Variants in SCAP observed in about 807,000 individuals in gnomAD.
SCAP encodes sterol regulatory element-binding protein cleavage-activating protein.
Under a neutral mutation model 123.6 loss-of-function variants are expected in SCAP, and 65 were observed. The ratio of observed to expected loss-of-function variants is 0.53; its 90% CI spans 0.43 to 0.65. The LOEUF (loss-of-function observed/expected upper bound fraction) is 0.65. Among genes scored for constraint, SCAP ranks in the 30% least tolerant of loss-of-function variants. The pLI, the probability that SCAP is intolerant of heterozygous loss-of-function variation, is 0.00. For synonymous variants in SCAP, 740 were observed against 726.3 expected, an observed-to-expected ratio of 1.02 and a Z score of -0.30; for missense variants, 1,398 against 1,712.5, an observed-to-expected ratio of 0.82 and a Z score of 3.24.
chr3:47,473,368 C>T (rs1403492702), intron 1 of SCAP, among the ~76,000 whole-genome samples: 1 of 152,130 alleles, frequency 6.6e-6, no homozygotes, highest in Non-Finnish European at 1.5e-5. Flanking sequence ...AATTATTACT[C>T]TGAGTGGCAA....
At position 47,420,279 on chromosome 3, in the gene SCAP, C is replaced by T. The variant is rs1346228533; in HGVS notation, c.1563+275G>A. 1.3e-5 allele frequency among the ~76,000 whole-genome samples: 2 copies of T among 152,216 alleles called. No homozygotes were observed. The highest frequency in any genetic ancestry group is 6.5e-5 in the Admixed American group (1 of 15,284). ...ACAAGTGGGTCCATCCCAGAGCACT[C>T]AACTAACAGGCTCCTGTCCTGGGCC... On this transcript the variant is annotated intron_variant, in intron 12 of 22. Coordinates refer to ENST00000265565, the MANE Select transcript of SCAP (RefSeq NM_012235.4). The surrounding 1 kb of genome is among the most constrained non-coding windows in gnomAD (Gnocchi z 5.0).
intron 18 of SCAP, among the ~76,000 whole-genome samples, chr3:47,415,528 A>AG (rs1365859575): frequency 1.3e-5 from 2 of 152,012 alleles, no homozygotes; most frequent in African/African-American, 4.8e-5. Context: ...AGCTGAAGGG[A>AG]GGGCTGCTGA....
chr3:47,420,644 C>T lies in SCAP; in HGVS notation c.1473G>A (p.Gln491=). The T allele has an allele frequency of 1.2e-6, 2 of 1,612,210 alleles. No homozygotes were observed. The highest frequency in any genetic ancestry group is 4.5e-5 in the East Asian group (2 of 44,890). ...RPSTPHTITL[Q]PSSFRNLRLP... The stretch of plus-strand genomic sequence containing the variant: ...GCCGCAGGTTTCGGAAGGAAGACGG[C>T]TGCAACGTGATGGTGTGGGGTGTGG... Residue 491 remains glutamine (Q), a synonymous_variant, in exon 12 of 23, where the codon CAG becomes CAA. Coordinates refer to ENST00000265565, the MANE Select transcript of SCAP (RefSeq NM_012235.4). This position sits in a 1 kb window ranked among gnomAD's most constrained non-coding sequence, Gnocchi z 5.0.
intron 1 of SCAP, among the ~76,000 whole-genome samples, chr3:47,465,659 C>T (rs1321940662): frequency 6.6e-6 from 1 of 151,888 alleles, no homozygotes; most frequent in Admixed American, 6.6e-5. Flanking sequence ...GTCCCACCTA[C>T]TTAGCAGGCT....
At chr3:47,440,842 G>A (rs1004493402) in intron 2 of SCAP, among the ~76,000 whole-genome samples, 2 of 152,022 alleles carry the variant, frequency 1.3e-5, no homozygotes, top group African/African-American at 2.4e-5. Context: ...CCTGAGCAAC[G>A]GAAGCGAGAC....
rs531709125 is a variant in SCAP, at chr3:47,465,845, A to C, written c.-99+9954T>G. ...CCATTTACTTGTTTAAAAAAACAAAAAAAAAAAAGCTGGGTGCAGTGGCCC... is the reference window on the plus strand; with the variant it reads ...CCATTTACTTGTTTAAAAAAACAAACAAAAAAAAGCTGGGTGCAGTGGCCC... On this transcript the variant is annotated intron_variant, in intron 1 of 22. Coordinates refer to ENST00000265565, the MANE Select transcript of SCAP (RefSeq NM_012235.4). Among the ~76,000 whole-genome samples, 452 of 148,206 alleles carry C rather than the reference A, an allele frequency of 3.0e-3. 3 individuals carry two copies. Among genetic ancestry groups the C allele is most frequent in the African/African-American group, 0.01 (425 of 41,072 alleles).
At chr3:47,453,321 T>C (rs906235039) in intron 1 of SCAP, among the ~76,000 whole-genome samples, 4 of 151,564 alleles carry the variant, frequency 2.6e-5, no homozygotes, top group Admixed American at 6.6e-5. Context: ...GATGGGAGGA[T>C]TGCTTGAGCC....
At chr3:47,423,860 G>A (rs544518274) in intron 9 of SCAP, 73 bp downstream of exon 9, 21 of 1,082,342 alleles carry the variant, frequency 1.9e-5, no homozygotes, top group Middle Eastern at 2.4e-4. Context: ...CTCACAGAGC[G>A]TTAACAGCAA....
rs371988682 is a variant in SCAP at position 47,419,315 on chromosome 3, C to A, written c.1940+13G>T. 3.1e-6 allele frequency: 5 copies of A among 1,592,326 alleles called. No homozygotes were observed. The South Asian group carries it at 4.5e-5, about 14-fold the overall frequency. ...CCATCGAGTGAGGTGGCACCTGGCA[C>A]GGCCCAGCTCACCTCTTGGCCAGTG... On this transcript the variant is annotated intron_variant, in intron 13 of 22. Coordinates refer to ENST00000265565, the MANE Select transcript of SCAP (RefSeq NM_012235.4). This position sits in a 1 kb window ranked among gnomAD's most constrained non-coding sequence, Gnocchi z 5.0.
chr3:47,433,773 C>A (rs1415460172), intron 3 of SCAP, among the ~76,000 whole-genome samples: 1 of 152,050 alleles, frequency 6.6e-6, no homozygotes, highest in East Asian at 1.9e-4. Flanking sequence ...GAGGCTGAGG[C>A]AGGAGAATCG....
chr3:47,437,732 A>AC (rs1174970598), intron 2 of SCAP, among the ~76,000 whole-genome samples: 3 of 151,946 alleles, frequency 2.0e-5, no homozygotes, highest in African/African-American at 7.3e-5. Context: ...ACAGAGTGAG[A>AC]CCCCCGTCTC....
intron 2 of SCAP, among the ~76,000 whole-genome samples, chr3:47,435,469 T>TACACACAC (rs57702290): frequency 0.026 from 2,362 of 91,848 alleles, 75 homozygotes; most frequent in African/African-American, 0.06. Flanking sequence ...AATATAAACA[T>TACACACAC]ACACACACAC....
Position 47,414,618 on chromosome 3 carries a change from G to A in SCAP, c.3341C>T (p.Thr1114Ile). Reference sequence around the variant, plus strand: ...GATGGCCCCTGAGTGGCCCTGAAGGGTGAAGAGGCAGCACGAGTCCTCCAG... The same window carrying A: ...GATGGCCCCTGAGTGGCCCTGAAGGATGAAGAGGCAGCACGAGTCCTCCAG... ...FRLEDSCCLF[T>I]LQGHSGAITT... The change falls in exon 21 of 23, where the codon ACC (threonine) becomes ATC (isoleucine). Residue 1114 changes from threonine (T) to isoleucine (I), a missense_variant. Thr to Ile is a moderately conservative substitution (Grantham distance 89). Coordinates refer to ENST00000265565, the MANE Select transcript of SCAP (RefSeq NM_012235.4). The A allele has an allele frequency of 6.2e-7, 1 of 1,613,420 alleles. No homozygotes were observed. The highest frequency in any genetic ancestry group is 1.3e-5 in the African/African-American group (1 of 75,068).
chr3:47,442,347 T>C (rs995378205), intron 2 of SCAP, among the ~76,000 whole-genome samples: 2 of 152,178 alleles, frequency 1.3e-5, no homozygotes, highest in African/African-American at 4.8e-5. Context: ...CTCTCACAAC[T>C]GTCCTTGGCA....
At chr3:47,465,537 G>T (rs778689257) in intron 1 of SCAP, among the ~76,000 whole-genome samples, 6 of 151,810 alleles carry the variant, frequency 4.0e-5, no homozygotes, top group Non-Finnish European at 8.8e-5. Context: ...GAGGTCAAGT[G>T]GGGAGGACTG....
At position 47,420,963 on chromosome 3, in the gene SCAP, T is replaced by C; in HGVS notation, c.1312A>G (p.Thr438Ala). 1 of 1,613,792 alleles carries C rather than the reference T, an allele frequency of 6.2e-7. No homozygotes were observed. Among genetic ancestry groups the C allele is most frequent in the South Asian group, 1.1e-5 (1 of 91,068 alleles). Residue 438 changes from threonine (T) to alanine (A), a missense_variant, in exon 11 of 23, where the codon ACT (threonine) becomes GCT (alanine). Thr to Ala is a moderately conservative substitution (Grantham distance 58, BLOSUM62 0). Around this residue, in one of 7 missense-constraint regions of SCAP, gnomAD observed 66 missense variants for 116.3 expected, o/e 0.57. Coordinates refer to ENST00000265565, the MANE Select transcript of SCAP (RefSeq NM_012235.4). This position sits in a 1 kb window ranked among gnomAD's most constrained non-coding sequence, Gnocchi z 5.0. ...DFFLQMLFFT[T>A]VLSIDIRRME... is the part of the protein sequence containing the mutation. ...CGGCGAATGTCAATGGACAGGACAG[T>C]GGTGAAAAACAGCATCTGAAGGAAG...
Position 47,413,994 on chromosome 3 carries a change from G to A in SCAP, c.3700C>T (p.Gln1234Ter), listed in dbSNP as rs767719888. The A allele has an allele frequency of 6.2e-7, 1 of 1,613,308 alleles. No homozygotes were observed. The highest frequency in any genetic ancestry group is 1.7e-5 in the Admixed American group (1 of 60,028). Reference protein sequence around the residue: ...FWDLNYGDLLQTVYLGKNSEA... With the variant: ...FWDLNYGDLL ...CTGTTCTTCCCCAGGTAGACTGTCT[G>A]TAACAGGTCCCCGTAGTTTAGGTCC... is the stretch of plus-strand genomic sequence containing the variant. Residue 1234 changes from glutamine to a stop codon, truncating the protein, a stop_gained, in exon 23 of 23, where the codon CAG (glutamine) becomes TAG (stop). Transcript: ENST00000265565. LOFTEE classifies it high-confidence loss of function.
intron 1 of SCAP, among the ~76,000 whole-genome samples, chr3:47,472,716 T>A (rs186566215): frequency 6.6e-6 from 1 of 151,904 alleles, no homozygotes; most frequent in Non-Finnish European, 1.5e-5. Flanking sequence ...CACACTAGAG[T>A]CAGTGACGCT....
intron 1 of SCAP, among the ~76,000 whole-genome samples, chr3:47,460,651 A>G (rs1404787228): frequency 6.6e-6 from 1 of 151,722 alleles, no homozygotes; most frequent in Non-Finnish European, 1.5e-5. Context: ...CCCCGCCCCC[A>G]GGTTCAAGCG....
Sources: gnomAD v4.1 joint callset for allele counts (sites outside exome capture counted in the v4.1 genomes callset) on GRCh38, gnomAD v4.1.1 for gene constraint, gnomAD v4.1.1 regional missense constraint, Gnocchi (gnomAD v3.1) non-coding constraint, MANE v1.5 for transcripts, NCBI Gene and HGNC (gene_info 2026-07-23, HGNC 2026-07-21) for gene names.